KCTD8: variants seen among roughly 807,000 people sequenced by gnomAD.
KCTD8 encodes BTB/POZ domain-containing protein KCTD8.
KCTD8 carries 27 observed loss-of-function variants against 31.5 expected under a neutral mutation model. The observed-to-expected ratio is 0.86, with a 90% confidence interval of 0.63 to 1.18. The LOEUF is 1.18. Ranked by LOEUF, KCTD8 falls within the 50% of genes most tolerant of loss-of-function variation. The pLI, the probability that KCTD8 is intolerant of heterozygous loss-of-function variation, is 0.00. For missense variants in KCTD8, 658 were observed against 647.7 expected, an observed-to-expected ratio of 1.02 and a Z score of -0.17; for synonymous variants, 290 against 280.0, an observed-to-expected ratio of 1.04 and a Z score of -0.36.
intron 1 of KCTD8, among the ~76,000 whole-genome samples, chr4:44,434,895 T>A (rs999696027): frequency 5.3e-5 from 8 of 151,912 alleles, no homozygotes; most frequent in Non-Finnish European, 1.2e-4. Flanking sequence ...GTAATTGCTG[T>A]CATTCATGGG....
At chr4:44,237,819 T>C (rs953221598) in intron 1 of KCTD8, among the ~76,000 whole-genome samples, 1 of 152,150 alleles carries the variant, frequency 6.6e-6, no homozygotes, top group Non-Finnish European at 1.5e-5. Context: ...AGATGACTCA[T>C]TAAATAAATC....
At chr4:44,383,010 CAACA>C (rs1224644041) in intron 1 of KCTD8, among the ~76,000 whole-genome samples, 1 of 108,960 alleles carries the variant, frequency 9.2e-6, no homozygotes, top group Non-Finnish European at 1.9e-5. Context: ...TATACACCAA[CAACA>C]AACTAGCTGA....
intron 1 of KCTD8, among the ~76,000 whole-genome samples, chr4:44,360,110 A>G (rs1436495996): frequency 3.3e-5 from 5 of 151,994 alleles, no homozygotes; most frequent in African/African-American, 1.2e-4. Context: ...GCAATACAAA[A>G]CTTAAATGTT....
At chr4:44,370,442 A>T (rs940964313) in intron 1 of KCTD8, among the ~76,000 whole-genome samples, 1 of 152,124 alleles carries the variant, frequency 6.6e-6, no homozygotes, top group Admixed American at 6.5e-5. Flanking sequence ...TGGGCTAAAA[A>T]TTTTTCTCAC....
At chr4:44,213,168 C>G (rs928586812) in intron 1 of KCTD8, among the ~76,000 whole-genome samples, 6 of 152,270 alleles carry the variant, frequency 3.9e-5, no homozygotes, top group Non-Finnish European at 7.3e-5. Flanking sequence ...GATCTCCTGA[C>G]CTCGTGATCC....
At chr4:44,341,710 T>A (rs943837688) in intron 1 of KCTD8, among the ~76,000 whole-genome samples, 7 of 152,204 alleles carry the variant, frequency 4.6e-5, no homozygotes, top group Non-Finnish European at 1.0e-4. Flanking sequence ...CCACTCTATC[T>A]GTAGTTACTT....
At chr4:44,191,881 C>T (rs963663757) in intron 1 of KCTD8, among the ~76,000 whole-genome samples, 1 of 152,134 alleles carries the variant, frequency 6.6e-6, no homozygotes, top group African/African-American at 2.4e-5. Context: ...GATCTTTGTT[C>T]TCCCTTTTGC....
intron 1 of KCTD8, among the ~76,000 whole-genome samples, chr4:44,418,982 T>A (rs541053150): frequency 6.6e-6 from 1 of 152,364 alleles, no homozygotes; most frequent in Non-Finnish European, 1.5e-5. Context: ...ATTATTTTAC[T>A]ACTCTTTTTA....
At chr4:44,336,815 ATAAT>A (rs766051058) in intron 1 of KCTD8, among the ~76,000 whole-genome samples, 1 of 152,240 alleles carries the variant, frequency 6.6e-6, no homozygotes, top group African/African-American at 2.4e-5. Flanking sequence ...AGATAGAGAA[ATAAT>A]TAATTAGTGC....
intron 1 of KCTD8, among the ~76,000 whole-genome samples, chr4:44,410,142 C>T (rs1720918876): frequency 6.6e-6 from 1 of 152,094 alleles, no homozygotes; most frequent in African/African-American, 2.4e-5. Context: ...CTTTAGGTTT[C>T]CTGACATAAG....
At chr4:44,422,989 C>T (rs1345326919) in intron 1 of KCTD8, among the ~76,000 whole-genome samples, 1 of 152,052 alleles carries the variant, frequency 6.6e-6, no homozygotes, top group Non-Finnish European at 1.5e-5. Context: ...ATAAATTTGT[C>T]TGCTTCTGTT....
At chr4:44,270,691 G>T (rs1023650970) in intron 1 of KCTD8, among the ~76,000 whole-genome samples, 2 of 152,026 alleles carry the variant, frequency 1.3e-5, no homozygotes, top group African/African-American at 4.8e-5. Context: ...ATGAGAAACT[G>T]CTGAAAGCAC....
chr4:44,387,977 C>A (rs1249643283), intron 1 of KCTD8, among the ~76,000 whole-genome samples: 1 of 148,824 alleles, frequency 6.7e-6, no homozygotes, highest in Admixed American at 6.8e-5. Flanking sequence ...TAACAAAGGT[C>A]TAACATTCAT....
chr4:44,362,456 T>C (rs962378766), intron 1 of KCTD8, among the ~76,000 whole-genome samples: 2 of 152,100 alleles, frequency 1.3e-5, no homozygotes, highest in East Asian at 1.9e-4. Context: ...TCCAAATACA[T>C]AGTCTTTCTA....
chr4:44,211,596 T>C (rs1260789189), intron 1 of KCTD8, among the ~76,000 whole-genome samples: 1 of 152,150 alleles, frequency 6.6e-6, no homozygotes. Flanking sequence ...AGCTTCCAGT[T>C]TTTTGTTATT....
At chr4:44,385,872 T>C (rs1720198946) in intron 1 of KCTD8, among the ~76,000 whole-genome samples, 1 of 151,414 alleles carries the variant, frequency 6.6e-6, no homozygotes, top group Non-Finnish European at 1.5e-5. Context: ...TAAAAAAACT[T>C]GATTAAACAA....
At chr4:44,285,784 T>C (rs1717047392) in intron 1 of KCTD8, among the ~76,000 whole-genome samples, 1 of 152,120 alleles carries the variant, frequency 6.6e-6, no homozygotes, top group South Asian at 2.1e-4. Flanking sequence ...ATTTAAGAAA[T>C]ACTTTTCATA....
At chr4:44,266,796 A>C (rs1047955161) in intron 1 of KCTD8, among the ~76,000 whole-genome samples, 2 of 152,184 alleles carry the variant, frequency 1.3e-5, no homozygotes, top group Admixed American at 1.3e-4. Flanking sequence ...AGAGACAAAG[A>C]AGGCCATTAC....
chr4:44,270,352 G>A (rs1238863811), intron 1 of KCTD8, among the ~76,000 whole-genome samples: 2 of 141,444 alleles, frequency 1.4e-5, no homozygotes, highest in Non-Finnish European at 3.0e-5. Flanking sequence ...GAGAACACAT[G>A]GACACACGAA....
Sources: allele counts gnomAD v4.1 joint callset (sites outside exome capture counted in the v4.1 genomes callset), GRCh38; gene constraint gnomAD v4.1.1; transcripts MANE v1.5; gene names NCBI Gene and HGNC (gene_info 2026-07-23, HGNC 2026-07-21).